COPE: variants seen among roughly 807,000 people sequenced by gnomAD.
COPE encodes coat protein complex I subunit epsilon.
In COPE, 19 loss-of-function variants were observed where a neutral mutation model predicts 42.1. The observed-to-expected ratio is 0.45, with a 90% CI of 0.31 to 0.66. The LOEUF (loss-of-function observed/expected upper bound fraction) is 0.66. Among genes scored for constraint, COPE ranks in the 30% least tolerant of loss-of-function variants. The pLI, the probability that COPE is intolerant of heterozygous loss-of-function variation, is 0.05. For missense variants in COPE, 402 were observed against 416.1 expected (o/e 0.97, Z 0.30); for synonymous variants, 195 against 181.3 (o/e 1.08, Z -0.60).
chr19:18,903,246 T>G (rs753695283), intron 7 of COPE, 22 bp downstream of exon 7: 6 of 1,551,694 alleles, frequency 3.9e-6, no homozygotes, highest in African/African-American at 1.4e-5. Context: ...CCGTCCCCAC[T>G]CTGGGACAGG....
chr19:18,903,187 C>G (rs1488030993), intron 7 of COPE, 81 bp downstream of exon 7: 13 of 1,416,160 alleles, frequency 9.2e-6, no homozygotes, highest in South Asian at 1.5e-5. Flanking sequence ...CTCTGCTACA[C>G]TTGTTTCTGT....
intron 8 of COPE, 38 bp downstream of exon 8, chr19:18,900,343 G>C (rs979645896): frequency 2.0e-6 from 3 of 1,515,600 alleles, no homozygotes; most frequent in Non-Finnish European, 2.7e-6. Context: ...CCAGGGTCTG[G>C]ACATTAGGGT....
rs561587835 is a variant in COPE, at chr19:18,899,569, T to G, written c.*110A>C. Reference sequence around the variant, plus strand: ...TATTAACAGATGGGGGTGCTGGGGGTGGGCTCCTGCCCCCAGAGGGGATGC... The same window carrying G: ...TATTAACAGATGGGGGTGCTGGGGGGGGGCTCCTGCCCCCAGAGGGGATGC... On this transcript the variant is annotated 3_prime_UTR_variant, in exon 10 of 10. Coordinates refer to ENST00000262812, the MANE Select transcript of COPE (RefSeq NM_007263.4). The G allele has an allele frequency of 9.5e-6, 10 of 1,055,746 alleles. No individual in the cohort carries two copies. The highest frequency in any genetic ancestry group is 9.3e-5 in the South Asian group (7 of 74,902). 65.4% of individuals were successfully genotyped at this position (1,055,746 alleles called of 1,614,324 possible).
At chr19:18,905,132 G>A (rs1266813859) in intron 5 of COPE, among the ~76,000 whole-genome samples, 2 of 152,210 alleles carry the variant, frequency 1.3e-5, no homozygotes, top group African/African-American at 2.4e-5. Flanking sequence ...TGGAACGCAG[G>A]GAAGGGCAAC....
chr19:18,906,629 GA>G (rs1417417483), intron 4 of COPE: 1 of 232,274 alleles, frequency 4.3e-6, no homozygotes, highest in Non-Finnish European at 8.4e-6. Flanking sequence ...GGAGGCCTGA[GA>G]GACTGGGCCC....
chr19:18,904,738 CA>C (rs1269025388), intron 6 of COPE, 32 bp downstream of exon 6: 8 of 1,542,394 alleles, frequency 5.2e-6, no homozygotes, highest in African/African-American at 2.7e-5. Flanking sequence ...CAGGTGCCCG[CA>C]ATGCCCACCC....
intron 7 of COPE, among the ~76,000 whole-genome samples, chr19:18,902,179 CAAAAA>C (rs34747007): frequency 1.5e-4 from 16 of 108,136 alleles, no homozygotes; most frequent in Non-Finnish European, 1.4e-4. Context: ...GACTCCATCT[CAAAAA>C]AAAAAAAAAA....
intron 4 of COPE, chr19:18,905,918 C>G: frequency 1.9e-6 from 1 of 529,074 alleles, no homozygotes; most frequent in East Asian, 3.4e-5. Flanking sequence ...ATGGAGGGCC[C>G]TGCCCGGACT....
At chr19:18,900,008 T>C (rs1219127288) in intron 8 of COPE, 61 bp from the exon 9 acceptor site, 11 of 1,475,052 alleles carry the variant, frequency 7.5e-6, no homozygotes, top group Non-Finnish European at 9.3e-6. Flanking sequence ...GGCTCTGACC[T>C]GCTGGACAGG....
Position 18,907,015 on chromosome 19 carries a change from C to T in COPE, c.388G>A (p.Asp130Asn), listed in dbSNP as rs377582503. ...CGCAGGGCGGCATCCGGGTTCTGGT[C>T]GTGGAGATAGATGGAGGCGGCCATG... ...LLMAASIYLHDQNPDAALRAL... is the reference protein window; with the variant it reads ...LLMAASIYLHNQNPDAALRAL... The change falls in exon 4 of 10, where the codon GAC becomes AAC. Residue 130 changes from aspartate (D) to asparagine (N), a missense_variant. Physicochemically the swap from Asp to Asn is conservative, Grantham distance 23 (BLOSUM62 1). Coordinates refer to ENST00000262812, the MANE Select transcript of COPE (RefSeq NM_007263.4). The T allele has an allele frequency of 6.3e-6, 10 of 1,594,338 alleles. No individual in the cohort carries two copies. Among genetic ancestry groups the T allele is most frequent in the East Asian group, 2.3e-5 (1 of 43,996 alleles).
chr19:18,914,648 G>A (rs1386186879), intron 1 of COPE, among the ~76,000 whole-genome samples: 5 of 151,756 alleles, frequency 3.3e-5, no homozygotes, highest in Non-Finnish European at 7.4e-5. Context: ...CAGGCCAGGT[G>A]TGGTGGCTCA....
chr19:18,902,012 CT>C (rs1432610234), intron 7 of COPE, among the ~76,000 whole-genome samples: 1 of 151,864 alleles, frequency 6.6e-6, no homozygotes, highest in Non-Finnish European at 1.5e-5. Flanking sequence ...AACCCCATCT[CT>C]ACTAAAAATA....
intron 2 of COPE, among the ~76,000 whole-genome samples, chr19:18,912,516 T>C (rs1245836803): frequency 6.7e-6 from 1 of 150,142 alleles, no homozygotes; most frequent in African/African-American, 2.4e-5. Context: ...CTCAGCACTT[T>C]GGGAGGCTGA....
intron 4 of COPE, chr19:18,905,833 C>T (rs1351670430): frequency 1.8e-6 from 1 of 567,730 alleles, no homozygotes. Context: ...GGGGGAGGTA[C>T]CCAGGATGGG....
Position 18,919,350 on chromosome 19 carries a change from T to C in COPE, c.-2A>G. 7 of 1,613,490 alleles carry C rather than the reference T, an allele frequency of 4.3e-6. No homozygotes were observed. Among genetic ancestry groups the C allele is most frequent in the Non-Finnish European group, 5.9e-6 (7 of 1,179,930 alleles). ...CGGGCCGGGGGCCGGAGGCGCCATT[T>C]CGCTGTCTTCTCACCAGCTCCTCTT... On this transcript the variant is annotated 5_prime_UTR_variant, in exon 1 of 10. Transcript: ENST00000262812.
intron 1 of COPE, among the ~76,000 whole-genome samples, chr19:18,918,384 G>A (rs1420789628): frequency 2.0e-5 from 3 of 152,048 alleles, no homozygotes; most frequent in Non-Finnish European, 2.9e-5. Flanking sequence ...CCGCCAGAAG[G>A]CGCCTCTCAG....
chr19:18,908,571 C>T (rs1268113576), intron 3 of COPE, among the ~76,000 whole-genome samples: 1 of 148,396 alleles, frequency 6.7e-6, no homozygotes, highest in South Asian at 2.1e-4. Context: ...GGCTGGAGTG[C>T]AGTGGTGCGA....
chr19:18,900,860 T>G (rs973914467), intron 7 of COPE, among the ~76,000 whole-genome samples: 11 of 152,250 alleles, frequency 7.2e-5, no homozygotes, highest in African/African-American at 2.6e-4. Flanking sequence ...GGACCTTGCC[T>G]GACTCACTCA....
chr19:18,905,928 T>A (rs572513563), intron 4 of COPE: 2 of 526,030 alleles, frequency 3.8e-6, no homozygotes, highest in Admixed American at 7.9e-5. Context: ...CTGCCCGGAC[T>A]CGACACCCTG....
Sources: allele counts gnomAD v4.1 joint callset (sites outside exome capture counted in the v4.1 genomes callset), GRCh38; gene constraint gnomAD v4.1.1; transcripts MANE v1.5; gene names NCBI Gene and HGNC (gene_info 2026-07-23, HGNC 2026-07-21).